BTNL3: variants seen among roughly 807,000 people sequenced by gnomAD.
The protein encoded by BTNL3 is butyrophilin-like protein 3.
A neutral mutation model predicts 40.1 loss-of-function variants in BTNL3; 20 were observed. The observed-to-expected ratio is 0.50, with a 90% CI of 0.35 to 0.72. BTNL3 has a LOEUF of 0.72. Ranked by LOEUF, BTNL3 falls within the 30% of genes least tolerant of loss-of-function variation. The probability of loss-of-function intolerance (pLI) is 0.01; values close to 1 mark genes in which losing one functional copy is unlikely to be tolerated. For synonymous variants in BTNL3, 179 were observed against 222.1 expected, an observed-to-expected ratio of 0.81 and a Z score of 1.73; for missense variants, 449 against 582.2, an observed-to-expected ratio of 0.77 and a Z score of 2.35.
In BTNL3 at chr5:180,994,410, G is replaced by A. The variant is rs1760009607; in HGVS notation, c.397+1250G>A. ...TTTTCTTTCAGCAGTTGAAAAATGT[G>A]CTACTTCTTTCTGGCCTTGAAGATT... is the stretch of plus-strand genomic sequence containing the variant. On this transcript the variant is annotated intron_variant, in intron 2 of 7. Coordinates refer to ENST00000342868, the MANE Select transcript of BTNL3 (RefSeq NM_197975.3). 1.5e-5 allele frequency among the ~76,000 whole-genome samples: 2 copies of A among 137,130 alleles called. 1 individual carries two copies. Among genetic ancestry groups the A allele is most frequent in the Admixed American group, 1.5e-4 (2 of 13,050 alleles). The allele number at this position is 137,130 out of a possible 152,430, so 90.0% of individuals were successfully genotyped here.
At position 181,005,630 on chromosome 5, in the gene BTNL3, T is replaced by C. The variant is rs769579207; in HGVS notation, c.1159T>C (p.Leu387=). The change falls in exon 8 of 8, where the codon TTG becomes CTG. Residue 387 remains leucine (L), a synonymous_variant. Transcript: ENST00000342868. ...GGTCCTCAGACTGACAACAGAACAT[T>C]TGTATTTCACATTCAATCCCCATTT... ...YWVLRLTTEH[L]YFTFNPHFIS... is the part of the protein sequence containing the mutation. 11 of 1,613,864 alleles carry C rather than the reference T, an allele frequency of 6.8e-6. No homozygotes were observed. The highest frequency in any genetic ancestry group is 5.5e-5 in the South Asian group (5 of 91,078).
chr5:180,988,975 C>T lies in BTNL3; in HGVS notation c.-54C>T, dbSNP rs1759936795. ...CTGGCCTGACCTCCAAATCATCCAT[C>T]CACCCCTGCTGTCATCTGTTTTCAT... is the stretch of plus-strand genomic sequence containing the variant. On this transcript the variant is annotated 5_prime_UTR_variant, in exon 1 of 8. Coordinates refer to ENST00000342868, the MANE Select transcript of BTNL3 (RefSeq NM_197975.3). 8 of 1,420,928 alleles carry T rather than the reference C, an allele frequency of 5.6e-6. 3 individuals are homozygous for T. Among genetic ancestry groups the T allele is most frequent in the Non-Finnish European group, 7.7e-6 (8 of 1,036,366 alleles). The allele number at this position is 1,420,928 out of a possible 1,614,324, so 88.0% of individuals were successfully genotyped here.
chr5:181,003,002 T>C (rs1760150751), intron 4 of BTNL3, among the ~76,000 whole-genome samples: 1 of 135,524 alleles, frequency 7.4e-6, no homozygotes, highest in Non-Finnish European at 1.7e-5. Flanking sequence ...CCTTTCTACT[T>C]TACATGGAGC....
At chr5:180,997,079 T>G in intron 2 of BTNL3, 134 bp from the exon 3 acceptor site, 1 of 1,174,866 alleles carries the variant, frequency 8.5e-7, no homozygotes, top group Admixed American at 2.3e-5. Flanking sequence ...GAGAAAAGGA[T>G]GTGTGTGTGT....
rs1760229033 is a variant in BTNL3 at position 181,006,238 on chromosome 5, C to T, written c.*366C>T. On this transcript the variant is annotated 3_prime_UTR_variant, in exon 8 of 8. Coordinates refer to ENST00000342868, the MANE Select transcript of BTNL3 (RefSeq NM_197975.3). ...GCTAGTCACGGACAGTGATTCCTGC[C>T]TCACAGGTGAAGATTAAAGAGACAA... is the stretch of plus-strand genomic sequence containing the variant. 1 of 402,146 alleles carries T rather than the reference C, an allele frequency of 2.5e-6. No homozygotes were observed. The highest frequency in any genetic ancestry group is 1.2e-4 in the South Asian group (1 of 8,002). 24.9% of individuals were successfully genotyped at this position (402,146 alleles called of 1,614,324 possible).
chr5:180,996,324 T>A (rs1582087380), intron 2 of BTNL3, among the ~76,000 whole-genome samples: 1 of 135,818 alleles, frequency 7.4e-6, no homozygotes, highest in East Asian at 2.2e-4. Context: ...CTCACTGGAG[T>A]CACTTCAGTA....
In BTNL3 at chr5:181,006,100, G is replaced by A; in HGVS notation, c.*228G>A. On this transcript the variant is annotated 3_prime_UTR_variant, in exon 8 of 8. Coordinates refer to ENST00000342868, the MANE Select transcript of BTNL3 (RefSeq NM_197975.3). ...TGGCCTGACCCTGTGGGAGTCAGAA[G>A]CCATGGCTGCCCTGAAGTGGGGACG... 1 of 503,614 alleles carries A rather than the reference G, an allele frequency of 2.0e-6. No individual in the cohort carries two copies. The highest frequency in any genetic ancestry group is 3.0e-5 in the East Asian group (1 of 33,242). The allele number at this position is 503,614 out of a possible 1,614,324, so 31.2% of individuals were successfully genotyped here.
At chr5:181,004,610 C>A (rs1304176353) in intron 6 of BTNL3, 126 bp from the exon 7 acceptor site, 1 of 1,603,852 alleles carries the variant, frequency 6.2e-7, no homozygotes, top group Non-Finnish European at 8.5e-7. Context: ...AGCCCCATAG[C>A]CTTCTTCAGA....
intron 3 of BTNL3, 91 bp from the exon 4 acceptor site, chr5:181,002,581 T>C: frequency 8.5e-7 from 1 of 1,173,888 alleles, no homozygotes; most frequent in Non-Finnish European, 1.2e-6. Flanking sequence ...AAAAATGTTT[T>C]CATCTTGGGG....
At position 181,000,792 on chromosome 5, in the gene BTNL3, G is replaced by A. The variant is rs540070364; in HGVS notation, c.674-1880G>A. On this transcript the variant is annotated intron_variant, in intron 3 of 7. Transcript: ENST00000342868. ...CTGCAGTCCGCAGTCCGGCCTGGGC[G>A]ACAGAGCGAGACTCCGTCTCAAAAA... Among the ~76,000 whole-genome samples the A allele has an allele frequency of 1.1e-4, 14 of 132,690 alleles. 3 individuals carry two copies. Among genetic ancestry groups the A allele is most frequent in the Admixed American group, 3.2e-4 (4 of 12,484 alleles). 87.0% of individuals were successfully genotyped at this position (132,690 alleles called of 152,430 possible).
Position 180,993,090 on chromosome 5 carries a change from C to T in BTNL3, c.327C>T (p.Ile109=), listed in dbSNP as rs199938591. 6.2e-6 allele frequency: 9 copies of T among 1,452,514 alleles called. 2 individuals carry two copies. The highest frequency in any genetic ancestry group is 2.8e-5 in the African/African-American group (2 of 72,478). 90.0% of individuals were successfully genotyped at this position (1,452,514 alleles called of 1,614,324 possible). A position where few individuals can be genotyped will look rare whatever the true frequency, so the allele number is the denominator to read the frequency against. The change falls in exon 2 of 8, where the codon ATC becomes ATT. Residue 109 remains isoleucine, a synonymous_variant. Coordinates refer to ENST00000342868, the MANE Select transcript of BTNL3 (RefSeq NM_197975.3). ...TAAAAAACATCACTCCCTCGGACAT[C>T]GGCCTGTATGGGTGCTGGTTCAGTT... ...LRLKNITPSD[I]GLYGCWFSSQ...
rs988306253 is a variant in BTNL3 at position 181,006,222 on chromosome 5, G to A, written c.*350G>A. On this transcript the variant is annotated 3_prime_UTR_variant, in exon 8 of 8. Transcript: ENST00000342868. ...CCCAGGCTCCTCATTTGCTAGTCAC[G>A]GACAGTGATTCCTGCCTCACAGGTG... The A allele has an allele frequency of 1.3e-4, 55 of 407,874 alleles. No homozygotes were observed. The highest frequency in any genetic ancestry group is 5.3e-4 in the African/African-American group (26 of 48,838). The allele number at this position is 407,874 out of a possible 1,614,324, so 25.3% of individuals were successfully genotyped here.
intron 1 of BTNL3, among the ~76,000 whole-genome samples, chr5:180,990,952 A>C (rs991927365): frequency 1.5e-5 from 2 of 137,116 alleles, no homozygotes; most frequent in Non-Finnish European, 3.3e-5. Context: ...CCACTGGGTG[A>C]GATGTGCCCC....
Position 180,999,432 on chromosome 5 carries a change from T to G in BTNL3, c.673+1944T>G. Among the ~76,000 whole-genome samples, 2 of 136,724 alleles carry G rather than the reference T, an allele frequency of 1.5e-5. 1 individual carries two copies. Among genetic ancestry groups the G allele is most frequent in the Non-Finnish European group, 3.3e-5 (2 of 59,878 alleles). The allele number at this position is 136,724 out of a possible 152,430, so 89.7% of individuals were successfully genotyped here. ...GCACAACTAAAGATTTAGTAGAGAT[T>G]TGTAAGATAAACTGCTTTGAATAAC... On this transcript the variant is annotated intron_variant, in intron 3 of 7. Transcript: ENST00000342868.
chr5:180,995,336 T>C (rs1760023170), intron 2 of BTNL3, among the ~76,000 whole-genome samples: 1 of 136,894 alleles, frequency 7.3e-6, no homozygotes, highest in South Asian at 2.2e-4. Flanking sequence ...GTTCTTGGTA[T>C]GATGGGTAAT....
chr5:180,994,451 G>A (rs1760009890), intron 2 of BTNL3, among the ~76,000 whole-genome samples: 1 of 136,644 alleles, frequency 7.3e-6, no homozygotes, highest in Admixed American at 7.7e-5. Flanking sequence ...CGAAAAATCT[G>A]CTGTCATTGG....
chr5:181,003,537 C>T lies in BTNL3; in HGVS notation c.788-319C>T, dbSNP rs907163691. Among the ~76,000 whole-genome samples, 35 of 138,408 alleles carry T rather than the reference C, an allele frequency of 2.5e-4. 4 individuals carry two copies. The highest frequency in any genetic ancestry group is 8.2e-4 in the African/African-American group (33 of 40,224). 90.8% of individuals were successfully genotyped at this position (138,408 alleles called of 152,430 possible). The stretch of plus-strand genomic sequence containing the variant: ...GTCTTCACCCTAGAACAAATTTCCT[C>T]CTCCTTGGGAGTGACACTTCCCCTT... On this transcript the variant is annotated intron_variant, in intron 4 of 7. Transcript: ENST00000342868.
intron 1 of BTNL3, among the ~76,000 whole-genome samples, chr5:180,989,355 C>T (rs1377801974): frequency 1.5e-5 from 2 of 136,658 alleles, no homozygotes; most frequent in African/African-American, 5.0e-5. Context: ...AGGGAGGGAA[C>T]ACATTGAGAA....
At chr5:180,998,137 A>C (rs1053596137) in intron 3 of BTNL3, among the ~76,000 whole-genome samples, 1 of 136,866 alleles carries the variant, frequency 7.3e-6, no homozygotes, top group Non-Finnish European at 1.7e-5. Flanking sequence ...ATGGCAATTC[A>C]TAAGAGGAAA....
Sources: gnomAD v4.1 joint callset for allele counts (sites outside exome capture counted in the v4.1 genomes callset) on GRCh38, gnomAD v4.1.1 for gene constraint, MANE v1.5 for transcripts, NCBI Gene and HGNC (gene_info 2026-07-23, HGNC 2026-07-21) for gene names.